TXK: variants seen among roughly 807,000 people sequenced by gnomAD.
TXK encodes TXK tyrosine kinase, also known as tyrosine-protein kinase TXK.
Under a neutral mutation model 81.0 loss-of-function variants are expected in TXK, and 60 were observed. That is an observed-to-expected ratio of 0.74 (90% CI 0.60 to 0.92). The LOEUF (loss-of-function observed/expected upper bound fraction) is 0.92, where lower values mean the gene tolerates loss of function less well. Among genes scored for constraint, TXK ranks in the 40% least tolerant of loss-of-function variants. The pLI is 0.00. For synonymous variants in TXK, 203 were observed against 210.7 expected, an observed-to-expected ratio of 0.96 and a Z score of 0.32; for missense variants, 581 against 638.3, an observed-to-expected ratio of 0.91 and a Z score of 0.97.
chr4:48,083,457 A>T (rs546276188), intron 10 of TXK, among the ~76,000 whole-genome samples: 1 of 152,320 alleles, frequency 6.6e-6, no homozygotes, highest in Non-Finnish European at 1.5e-5. Flanking sequence ...TTGTAGGCCG[A>T]TCACCTTGGG....
chr4:48,109,539 A>G (rs1233711710), intron 5 of TXK: 2 of 152,296 alleles, frequency 1.3e-5, no homozygotes, highest in Non-Finnish European at 1.5e-5. Context: ...GTGGGAAAAG[A>G]GAGAAGAGAT....
At chr4:48,094,740 T>A (rs1213275910) in intron 7 of TXK, among the ~76,000 whole-genome samples, 1 of 152,186 alleles carries the variant, frequency 6.6e-6, no homozygotes, top group African/African-American at 2.4e-5. Flanking sequence ...GCTCCTGGGA[T>A]GTTACCTCTC....
intron 7 of TXK, among the ~76,000 whole-genome samples, chr4:48,094,697 T>C (rs1717913430): frequency 6.6e-6 from 1 of 152,186 alleles, no homozygotes; most frequent in African/African-American, 2.4e-5. Context: ...GAGATATTTA[T>C]CCACCAACTC....
At chr4:48,073,359 G>T (rs749655051) in intron 13 of TXK, among the ~76,000 whole-genome samples, 12 of 152,184 alleles carry the variant, frequency 7.9e-5, no homozygotes, top group South Asian at 2.1e-4. Context: ...AATCAACCCC[G>T]AAACTTCATT....
chr4:48,121,834 A>G (rs1718971029), intron 1 of TXK, among the ~76,000 whole-genome samples: 1 of 152,212 alleles, frequency 6.6e-6, no homozygotes, highest in South Asian at 2.1e-4. Flanking sequence ...GGGATGATGA[A>G]AAAGTTTTGG....
intron 5 of TXK, chr4:48,106,324 A>G (rs1718457859): frequency 6.6e-6 from 1 of 152,170 alleles, no homozygotes; most frequent in Non-Finnish European, 1.5e-5. Flanking sequence ...TGGAACTTAG[A>G]GGAGGCAAGA....
intron 1 of TXK, among the ~76,000 whole-genome samples, chr4:48,126,011 C>T (rs776329766): frequency 3.9e-5 from 6 of 152,248 alleles, no homozygotes; most frequent in Non-Finnish European, 8.8e-5. Flanking sequence ...ATTACCTTCA[C>T]AGAAACATCC....
chr4:48,073,168 C>A (rs1007945046), intron 13 of TXK, among the ~76,000 whole-genome samples: 1 of 148,714 alleles, frequency 6.7e-6, no homozygotes, highest in Admixed American at 6.8e-5. Flanking sequence ...CTCAAACAAT[C>A]CTCCCACTTC....
At chr4:48,123,797 CA>C (rs1326893004) in intron 1 of TXK, among the ~76,000 whole-genome samples, 2 of 152,162 alleles carry the variant, frequency 1.3e-5, no homozygotes, top group African/African-American at 4.8e-5. Context: ...CTGCTTCAGC[CA>C]ACTGCTCTTC....
intron 6 of TXK, among the ~76,000 whole-genome samples, chr4:48,098,039 G>A (rs952872239): frequency 2.0e-5 from 3 of 151,950 alleles, no homozygotes; most frequent in Non-Finnish European, 4.4e-5. Context: ...GAGCCACCAC[G>A]CCCGGCCAAA....
intron 11 of TXK, among the ~76,000 whole-genome samples, chr4:48,078,618 T>A (rs930791767): frequency 1.3e-5 from 2 of 152,354 alleles, no homozygotes; most frequent in African/African-American, 4.8e-5. Flanking sequence ...AGGGAAGCAG[T>A]GCTCTTAGCA....
chr4:48,091,703 C>G (rs1280336192), intron 8 of TXK, among the ~76,000 whole-genome samples: 2 of 152,086 alleles, frequency 1.3e-5, no homozygotes, highest in African/African-American at 4.8e-5. Flanking sequence ...TGGGGTTTCA[C>G]CATGTTGGCC....
chr4:48,101,488 C>T (rs550493905), intron 6 of TXK, among the ~76,000 whole-genome samples: 2 of 151,958 alleles, frequency 1.3e-5, no homozygotes, highest in Non-Finnish European at 2.9e-5. Flanking sequence ...CCCTTTTGAA[C>T]ACAACAGGAT....
intron 11 of TXK, among the ~76,000 whole-genome samples, chr4:48,077,415 C>A (rs1337267770): frequency 6.6e-6 from 1 of 151,958 alleles, no homozygotes; most frequent in Non-Finnish European, 1.5e-5. Context: ...AATGACCAAA[C>A]CACAAGAAAA....
chr4:48,074,171 G>A, intron 12 of TXK, 118 bp from the exon 13 acceptor site: 1 of 724,250 alleles, frequency 1.4e-6, no homozygotes, highest in Non-Finnish European at 2.4e-6. Context: ...CAGAAAGGTT[G>A]TGGATGCCTT....
intron 12 of TXK, among the ~76,000 whole-genome samples, chr4:48,075,713 C>T (rs1486987929): frequency 1.3e-5 from 2 of 151,986 alleles, no homozygotes; most frequent in African/African-American, 4.8e-5. Flanking sequence ...TAGCAGCTAC[C>T]TGTTTGAATG....
At chr4:48,093,952 G>T in intron 8 of TXK, 125 bp downstream of exon 8, 2 of 1,296,068 alleles carry the variant, frequency 1.5e-6, no homozygotes, top group Non-Finnish European at 2.2e-6. Context: ...AAGATAAGTT[G>T]TACTTCAAGC....
At chr4:48,110,987 C>T (rs1033892136) in intron 4 of TXK, among the ~76,000 whole-genome samples, 1 of 152,220 alleles carries the variant, frequency 6.6e-6, no homozygotes, top group Non-Finnish European at 1.5e-5. Context: ...TCTAGTTTAG[C>T]TACTTTGCTA....
At chr4:48,091,505 CTTTTCTT>C (rs1717773097) in intron 8 of TXK, among the ~76,000 whole-genome samples, 1 of 148,282 alleles carries the variant, frequency 6.7e-6, no homozygotes, top group Non-Finnish European at 1.5e-5. Context: ...ATTTCTTTTT[CTTTTCTT>C]TTTTTTTTTT....
Sources: gnomAD v4.1 joint callset for allele counts (sites outside exome capture counted in the v4.1 genomes callset) on GRCh38, gnomAD v4.1.1 for gene constraint, MANE v1.5 for transcripts, NCBI Gene and HGNC (gene_info 2026-07-23, HGNC 2026-07-21) for gene names.